The following BANK1 variants were observed in gnomAD, a reference collection of about 807,000 sequenced individuals.
BANK1 encodes the protein B cell scaffold protein with ankyrin repeats 1.
Under a neutral mutation model 94.5 loss-of-function variants are expected in BANK1, and 95 were observed. The ratio of observed to expected loss-of-function variants is 1.00; its 90% CI spans 0.85 to 1.19. BANK1 has a LOEUF of 1.19. Among genes scored for constraint, BANK1 ranks in the 50% most tolerant of loss-of-function variants. BANK1 has a pLI of 0.00. For missense variants in BANK1, 987 were observed against 932.2 expected, an observed-to-expected ratio of 1.06 and a Z score of -0.77; for synonymous variants, 334 against 308.4, an observed-to-expected ratio of 1.08 and a Z score of -0.87.
chr4:101,869,439 C>T (rs1225649543), intron 4 of BANK1, among the ~76,000 whole-genome samples: 1 of 151,738 alleles, frequency 6.6e-6, no homozygotes. Flanking sequence ...TCCTATTTTT[C>T]TACATGCATC....
intron 7 of BANK1, among the ~76,000 whole-genome samples, chr4:101,936,246 A>G (rs745554272): frequency 7.5e-6 from 1 of 133,922 alleles, no homozygotes; most frequent in Non-Finnish European, 1.7e-5. Context: ...ATGTATACAT[A>G]TATGACACAC....
chr4:101,846,667 G>A (rs1727259443), intron 2 of BANK1, among the ~76,000 whole-genome samples: 1 of 152,168 alleles, frequency 6.6e-6, no homozygotes, highest in East Asian at 1.9e-4. Flanking sequence ...AGAGGGCAGG[G>A]GAAGTGCTAC....
At chr4:102,031,498 CA>C (rs1282551106) in intron 10 of BANK1, among the ~76,000 whole-genome samples, 6 of 152,134 alleles carry the variant, frequency 3.9e-5, no homozygotes, top group African/African-American at 1.4e-4. Context: ...GTGTTTTAGA[CA>C]TGAAGTCCTT....
At chr4:101,827,794 C>A (rs1726421645) in intron 1 of BANK1, among the ~76,000 whole-genome samples, 2 of 151,888 alleles carry the variant, frequency 1.3e-5, no homozygotes, top group African/African-American at 4.8e-5. Flanking sequence ...TCCCCAAATA[C>A]TATTCCACAC....
intron 7 of BANK1, among the ~76,000 whole-genome samples, chr4:101,968,921 G>A (rs1399297897): frequency 2.0e-5 from 3 of 152,102 alleles, no homozygotes; most frequent in African/African-American, 7.2e-5. Context: ...AACACCCAAA[G>A]GTGATGGTGG....
rs912139399 is a variant in BANK1, at chr4:101,909,539, A to AAC, written c.1010-8440_1010-8439dup. ...ACATGTACCCTAGAACTTAAAGTAT[A>AAC]ACACACACACACACAAAAAAATGCC... On this transcript the variant is annotated intron_variant, in intron 6 of 16. Transcript: ENST00000322953. Among the ~76,000 whole-genome samples, 8 of 152,104 alleles carry AAC rather than the reference A, an allele frequency of 5.3e-5. No individual in the cohort carries two copies. The South Asian group carries it at 8.3e-4, about 16-fold the overall frequency.
intron 7 of BANK1, among the ~76,000 whole-genome samples, chr4:101,943,102 G>A (rs1723808322): frequency 6.6e-6 from 1 of 151,902 alleles, no homozygotes; most frequent in Non-Finnish European, 1.5e-5. Context: ...GGCTAAAGGT[G>A]AGAGAGAATG....
intron 5 of BANK1, among the ~76,000 whole-genome samples, chr4:101,889,935 T>C (rs1721788566): frequency 6.6e-6 from 1 of 152,208 alleles, no homozygotes; most frequent in South Asian, 2.1e-4. Context: ...GATTACTTAG[T>C]AGCATTGTTG....
chr4:102,064,204 AT>A (rs1368315406), intron 13 of BANK1, among the ~76,000 whole-genome samples: 1 of 152,002 alleles, frequency 6.6e-6, no homozygotes, highest in African/African-American at 2.4e-5. Flanking sequence ...TCGTGTTGAA[AT>A]TCATTTCTCT....
intron 6 of BANK1, among the ~76,000 whole-genome samples, chr4:101,908,084 GC>G (rs1722522768): frequency 6.6e-6 from 1 of 152,200 alleles, no homozygotes; most frequent in Non-Finnish European, 1.5e-5. Flanking sequence ...CCAAAAAAGA[GC>G]CCGCATTGCC....
chr4:101,870,433 T>A (rs540447750), intron 4 of BANK1, 72 bp from the exon 5 acceptor site: 179 of 1,297,656 alleles, frequency 1.4e-4, no homozygotes, highest in Middle Eastern at 1.2e-3. Flanking sequence ...TTCTTTTATA[T>A]TCTCTAAAAG....
chr4:102,044,593 T>C (rs1727816241), intron 11 of BANK1, among the ~76,000 whole-genome samples: 2 of 124,804 alleles, frequency 1.6e-5, no homozygotes, highest in Admixed American at 1.7e-4. Context: ...TCTAGATCCC[T>C]GAGGAATCGC....
chr4:101,852,327 A>G (rs1004328832), intron 2 of BANK1, among the ~76,000 whole-genome samples: 11 of 151,004 alleles, frequency 7.3e-5, no homozygotes, highest in Admixed American at 5.9e-4. Context: ...AACCTGTAAA[A>G]TAAATACATT....
At chr4:101,955,715 C>T (rs988174095) in intron 7 of BANK1, among the ~76,000 whole-genome samples, 1 of 152,040 alleles carries the variant, frequency 6.6e-6, no homozygotes, top group Non-Finnish European at 1.5e-5. Context: ...TTGTAAAATT[C>T]TCCAAAAGTC....
intron 6 of BANK1, among the ~76,000 whole-genome samples, chr4:101,913,015 A>G (rs545892849): frequency 1.3e-5 from 2 of 152,292 alleles, no homozygotes; most frequent in South Asian, 2.1e-4. Flanking sequence ...TGTGAAACCC[A>G]TATAAAGGCC....
intron 1 of BANK1, among the ~76,000 whole-genome samples, chr4:101,809,351 G>T (rs1725665843): frequency 6.6e-6 from 1 of 151,988 alleles, no homozygotes; most frequent in South Asian, 2.1e-4. Context: ...CGGGCAGAAG[G>T]GTTGGAGGGG....
At chr4:102,004,711 G>A (rs1165136125) in intron 7 of BANK1, among the ~76,000 whole-genome samples, 1 of 152,078 alleles carries the variant, frequency 6.6e-6, no homozygotes, top group African/African-American at 2.4e-5. Flanking sequence ...TATGAGAGTT[G>A]TTACTCCCAA....
chr4:101,791,924 T>G lies in BANK1; in HGVS notation c.70+974T>G, dbSNP rs908122578. 1.4e-4 allele frequency among the ~76,000 whole-genome samples: 22 copies of G among 152,204 alleles called. No individual in the cohort carries two copies. In the South Asian group the frequency reaches 1.7e-3, roughly 11 times the overall value. ...AGCCCATAACTTAATATTATTAATA[T>G]TTTAACTATTGCATATTGACATTCT... is the stretch of plus-strand genomic sequence containing the variant. On this transcript the variant is annotated intron_variant, in intron 1 of 16. Transcript: ENST00000322953.
At chr4:101,879,612 C>G (rs1432734970) in intron 5 of BANK1, among the ~76,000 whole-genome samples, 2 of 151,858 alleles carry the variant, frequency 1.3e-5, no homozygotes, top group African/African-American at 4.8e-5. Flanking sequence ...CTGTATTACC[C>G]TAATCCAGAC....
Sources: gnomAD v4.1 joint callset for allele counts (sites outside exome capture counted in the v4.1 genomes callset) on GRCh38, gnomAD v4.1.1 for gene constraint, MANE v1.5 for transcripts, NCBI Gene and HGNC (gene_info 2026-07-23, HGNC 2026-07-21) for gene names.